The following CAAP1 variants were observed in gnomAD, a reference collection of about 807,000 sequenced individuals.
CAAP1 encodes the protein caspase activity and apoptosis inhibitor 1, also known as conserved anti-apoptotic protein.
In CAAP1, 20 loss-of-function variants were observed where a neutral mutation model predicts 34.0. The observed-to-expected ratio is 0.59, with a 90% CI of 0.41 to 0.86. The LOEUF (loss-of-function observed/expected upper bound fraction) is 0.86, where lower values mean the gene tolerates loss of function less well. Ranked by LOEUF, CAAP1 falls within the 40% of genes least tolerant of loss-of-function variation. The pLI, the probability that CAAP1 is intolerant of heterozygous loss-of-function variation, is 0.00. For synonymous variants in CAAP1, 213 were observed against 166.7 expected, an observed-to-expected ratio of 1.28 and a Z score of -2.14; for missense variants, 538 against 450.5, an observed-to-expected ratio of 1.19 and a Z score of -1.76.
At position 26,841,260 on chromosome 9, in the gene CAAP1, G is replaced by T. The variant is rs907216658; in HGVS notation, c.*1041C>A. The T allele has an allele frequency of 2.0e-5, 3 of 152,192 alleles. No homozygotes were observed. Among genetic ancestry groups the T allele is most frequent in the African/African-American group, 7.3e-5 (3 of 41,376 alleles). The allele number at this position is 152,192 out of a possible 1,614,324, so 9.4% of individuals were successfully genotyped here. A position where few individuals can be genotyped will look rare whatever the true frequency, so the allele number is the denominator to read the frequency against. On this transcript the variant is annotated 3_prime_UTR_variant, in exon 6 of 6. Coordinates refer to ENST00000333916, the MANE Select transcript of CAAP1 (RefSeq NM_024828.4). ...CAACAGTTCCAGATTTATGTTTTTTGAAAAAATTAATTTATTTTAAGTTAA... is the reference window on the plus strand; with the variant it reads ...CAACAGTTCCAGATTTATGTTTTTTTAAAAAATTAATTTATTTTAAGTTAA...
chr9:26,849,300 T>C (rs1822687489), intron 5 of CAAP1, among the ~76,000 whole-genome samples: 1 of 152,234 alleles, frequency 6.6e-6, no homozygotes, highest in Non-Finnish European at 1.5e-5. Flanking sequence ...TCTCATAAGC[T>C]ATTTGCTCCA....
intron 4 of CAAP1, among the ~76,000 whole-genome samples, chr9:26,873,806 A>C (rs944575126): frequency 1.8e-4 from 28 of 152,258 alleles, no homozygotes; most frequent in African/African-American, 6.3e-4. Context: ...ATAAAACTAT[A>C]CATGCTAAAG....
In CAAP1 at chr9:26,844,583, G is replaced by T. The variant is rs577741180; in HGVS notation, c.740-1936C>A. On this transcript the variant is annotated intron_variant, in intron 5 of 5. Transcript: ENST00000333916. ...ATGAAGAGCTGAATAATATAATGAG[G>T]GGGTGGAGAAGAGGTAAACGGTAGT... 1.1e-4 allele frequency among the ~76,000 whole-genome samples: 16 copies of T among 152,232 alleles called. No homozygotes were observed. In the East Asian group the frequency reaches 3.1e-3, roughly 29 times the overall value.
At chr9:26,875,924 C>T (rs1823418048) in intron 4 of CAAP1, among the ~76,000 whole-genome samples, 1 of 152,164 alleles carries the variant, frequency 6.6e-6, no homozygotes, top group Non-Finnish European at 1.5e-5. Context: ...CAATCTATAA[C>T]TTTGGCTTAT....
chr9:26,856,131 G>A (rs183296239), intron 5 of CAAP1, among the ~76,000 whole-genome samples: 190 of 149,870 alleles, frequency 1.3e-3, no homozygotes, highest in South Asian at 3.8e-3. Context: ...TTTTAAAAGG[G>A]GGGGGGTAGA....
intron 5 of CAAP1, among the ~76,000 whole-genome samples, chr9:26,850,127 C>T (rs550140264): frequency 4.5e-4 from 68 of 152,200 alleles, no homozygotes; most frequent in Non-Finnish European, 2.4e-4. Flanking sequence ...TCAGCCACCA[C>T]GCCCGGCTAG....
chr9:26,861,757 T>A lies in CAAP1; in HGVS notation c.666-618A>T, dbSNP rs186341526. ...AGCAAAAAGGTCAAGAAATTATAAA[T>A]GTTCAAATGAGCTATGTGACAATTT... On this transcript the variant is annotated intron_variant, in intron 4 of 5. Transcript: ENST00000333916. Among the ~76,000 whole-genome samples the A allele has an allele frequency of 7.9e-5, 12 of 152,290 alleles. No homozygotes were observed. In the East Asian group the frequency reaches 2.3e-3, roughly 29 times the overall value.
chr9:26,844,217 C>T (rs1487878970), intron 5 of CAAP1, among the ~76,000 whole-genome samples: 2 of 151,934 alleles, frequency 1.3e-5, no homozygotes, highest in African/African-American at 2.4e-5. Flanking sequence ...ATTGGCCAGG[C>T]GTAGGGGCAC....
chr9:26,889,242 C>A (rs904833392), intron 1 of CAAP1, among the ~76,000 whole-genome samples: 1 of 151,924 alleles, frequency 6.6e-6, no homozygotes, highest in Non-Finnish European at 1.5e-5. Context: ...CATGGTGAAA[C>A]CCCGTGTCTA....
chr9:26,887,459 T>G lies in CAAP1; in HGVS notation c.358A>C (p.Ser120Arg). The G allele has an allele frequency of 6.2e-7, 1 of 1,613,308 alleles. No homozygotes were observed. The highest frequency in any genetic ancestry group is 8.5e-7 in the Non-Finnish European group (1 of 1,179,806). The change falls in exon 2 of 6, where the codon AGT (serine) becomes CGT (arginine). Residue 120 changes from serine (S) to arginine (R), a missense_variant. This residue lies in a region of CAAP1 where 514 missense variants were observed against 408.4 expected (regional missense o/e 1.26). Coordinates refer to ENST00000333916, the MANE Select transcript of CAAP1 (RefSeq NM_024828.4). ...LEKELFLAEH[S>R]DLEEGGLDLT... ...TCCAGTCCACCTTCTTCAAGGTCAC[T>G]GTGCTCTGCCAAGAATAATTCTTTT... is the stretch of plus-strand genomic sequence containing the variant.
chr9:26,880,319 C>A, intron 4 of CAAP1: 1 of 326,880 alleles, frequency 3.1e-6, no homozygotes, highest in South Asian at 2.4e-5. Flanking sequence ...ATTTGAAGTC[C>A]TGAGCAATTT....
At position 26,868,402 on chromosome 9, in the gene CAAP1, C is replaced by A. The variant is rs12351389; in HGVS notation, c.666-7263G>T. On this transcript the variant is annotated intron_variant, in intron 4 of 5. Transcript: ENST00000333916. ...ATGCTCTGAAGATGAAGGAAAGGGCCACAAGACAGAGAATATAAGCAGTAA... is the reference window on the plus strand; with the variant it reads ...ATGCTCTGAAGATGAAGGAAAGGGCAACAAGACAGAGAATATAAGCAGTAA... 8.1e-3 allele frequency among the ~76,000 whole-genome samples: 1,240 copies of A among 152,226 alleles called. 14 individuals are homozygous for A. Among genetic ancestry groups the A allele is most frequent in the African/African-American group, 0.028 (1,169 of 41,528 alleles).
chr9:26,872,282 G>GTC (rs1286661696), intron 4 of CAAP1, among the ~76,000 whole-genome samples: 1 of 152,028 alleles, frequency 6.6e-6, no homozygotes, highest in Non-Finnish European at 1.5e-5. Context: ...ATAAATAGCA[G>GTC]TCTGCAGGAA....
chr9:26,846,293 T>C (rs1258324001), intron 5 of CAAP1, among the ~76,000 whole-genome samples: 1 of 151,306 alleles, frequency 6.6e-6, no homozygotes, highest in Non-Finnish European at 1.5e-5. Flanking sequence ...GGCGGGTGCC[T>C]GTAATCCCAG....
intron 4 of CAAP1, among the ~76,000 whole-genome samples, chr9:26,869,211 C>A (rs1279122314): frequency 6.6e-6 from 1 of 151,596 alleles, no homozygotes; most frequent in Non-Finnish European, 1.5e-5. Context: ...AATAAATAAA[C>A]CAAAATAAAA....
At position 26,886,121 on chromosome 9, in the gene CAAP1, AT is replaced by A. The variant is rs754356646; in HGVS notation, c.571del (p.Ile191PhefsTer2). 1.3e-4 allele frequency: 204 copies of A among 1,531,966 alleles called. No homozygotes were observed. The highest frequency in any genetic ancestry group is 4.2e-4 in the Admixed American group (21 of 49,834). 94.9% of individuals were successfully genotyped at this position (1,531,966 alleles called of 1,614,324 possible). ...EQLELLSEKK[I>X]LKILEGDNGM... ...ATTCTTACCCTCAAGAATCTTCAAA[AT>A]TTTTTTTTCAGACAGGAGCTCTAAC... On this transcript the variant is annotated frameshift_variant, in exon 3 of 6. Transcript: ENST00000333916. LOFTEE classifies it high-confidence loss of function.
intron 3 of CAAP1, among the ~76,000 whole-genome samples, chr9:26,885,274 A>G: frequency 6.6e-6 from 1 of 151,798 alleles, no homozygotes; most frequent in Non-Finnish European, 1.5e-5. Context: ...ACGGGGTTTC[A>G]CTATGTTGGC....
At chr9:26,868,163 A>C (rs1193402591) in intron 4 of CAAP1, among the ~76,000 whole-genome samples, 1 of 152,188 alleles carries the variant, frequency 6.6e-6, no homozygotes, top group African/African-American at 2.4e-5. Flanking sequence ...CAGCCCCCCA[A>C]ATATGCCCAC....
intron 4 of CAAP1, among the ~76,000 whole-genome samples, chr9:26,877,667 G>A (rs1359080021): frequency 6.6e-6 from 1 of 151,980 alleles, no homozygotes; most frequent in East Asian, 1.9e-4. Context: ...TCTTTGATGT[G>A]TTCTGTTGAC....
Sources: allele counts gnomAD v4.1 joint callset (sites outside exome capture counted in the v4.1 genomes callset), GRCh38; gene constraint gnomAD v4.1.1; regional missense constraint gnomAD v4.1.1; transcripts MANE v1.5; gene names NCBI Gene and HGNC (gene_info 2026-07-23, HGNC 2026-07-21).